Variants in KCNIP4 observed in about 807,000 individuals in gnomAD.
KCNIP4 encodes Kv channel-interacting protein 4.
A neutral mutation model predicts 34.0 loss-of-function variants in KCNIP4; 12 were observed. The observed-to-expected ratio is 0.35, with a 90% CI of 0.23 to 0.57. KCNIP4 has a LOEUF of 0.57. Among genes scored for constraint, KCNIP4 ranks in the 20% least tolerant of loss-of-function variants. The pLI is 0.83. For synonymous variants in KCNIP4, 124 were observed against 102.2 expected, an observed-to-expected ratio of 1.21 and a Z score of -1.29; for missense variants, 238 against 311.7, an observed-to-expected ratio of 0.76 and a Z score of 1.78.
chr4:21,600,015 G>C (rs903307642), intron 1 of KCNIP4, among the ~76,000 whole-genome samples: 12 of 151,948 alleles, frequency 7.9e-5, no homozygotes, highest in African/African-American at 2.4e-4. Flanking sequence ...TGCTGCAGGT[G>C]GTCCTCAGAT....
intron 1 of KCNIP4, among the ~76,000 whole-genome samples, chr4:21,217,284 A>G (rs774467085): frequency 2.6e-5 from 4 of 152,174 alleles, no homozygotes; most frequent in Non-Finnish European, 4.4e-5. Context: ...AGTTGCTACC[A>G]TTTATTGCAC....
At chr4:20,798,146 C>T (rs571062691) in intron 3 of KCNIP4, among the ~76,000 whole-genome samples, 29 of 152,258 alleles carry the variant, frequency 1.9e-4, no homozygotes, top group East Asian at 1.9e-4. Context: ...ATCGTTATGA[C>T]GAGTTTTTAA....
intron 1 of KCNIP4, among the ~76,000 whole-genome samples, chr4:21,632,141 A>G (rs1745810673): frequency 6.6e-6 from 1 of 152,146 alleles, no homozygotes; most frequent in Non-Finnish European, 1.5e-5. Context: ...CTAACATAAT[A>G]GATTCCATGC....
chr4:21,847,805 A>G (rs550457139), intron 1 of KCNIP4: 2 of 151,980 alleles, frequency 1.3e-5, no homozygotes, highest in East Asian at 3.9e-4. Context: ...TTTCTCTGCA[A>G]TTTTTATGCT....
At chr4:21,483,498 A>G (rs771321539) in intron 1 of KCNIP4, among the ~76,000 whole-genome samples, 2 of 152,032 alleles carry the variant, frequency 1.3e-5, no homozygotes, top group Non-Finnish European at 2.9e-5. Flanking sequence ...TGGTTGTTTA[A>G]AAGTGTGTGG....
intron 1 of KCNIP4, among the ~76,000 whole-genome samples, chr4:21,611,793 T>G (rs1404874099): frequency 6.6e-6 from 1 of 152,080 alleles, no homozygotes; most frequent in Non-Finnish European, 1.5e-5. Context: ...TGTCACTAGG[T>G]TTTTGTAGGA....
intron 1 of KCNIP4, among the ~76,000 whole-genome samples, chr4:21,156,810 T>C (rs1399619335): frequency 1.3e-5 from 2 of 152,148 alleles, no homozygotes; most frequent in Admixed American, 6.5e-5. Flanking sequence ...TCTAAACTCC[T>C]ATATTTTGAG....
At chr4:20,951,812 A>G (rs1732813455) in intron 1 of KCNIP4, among the ~76,000 whole-genome samples, 2 of 152,352 alleles carry the variant, frequency 1.3e-5, no homozygotes, top group East Asian at 1.9e-4. Context: ...TGAAGATAGC[A>G]CAATAGATTT....
intron 1 of KCNIP4, among the ~76,000 whole-genome samples, chr4:21,036,583 G>A (rs1311641209): frequency 6.6e-6 from 1 of 152,188 alleles, no homozygotes; most frequent in Non-Finnish European, 1.5e-5. Context: ...GTGATTAGCT[G>A]GGCATGGGGG....
At chr4:21,721,439 A>G (rs934204374) in intron 1 of KCNIP4, among the ~76,000 whole-genome samples, 9 of 152,222 alleles carry the variant, frequency 5.9e-5, no homozygotes, top group Non-Finnish European at 1.3e-4. Context: ...GTGACAAGGT[A>G]TCAAGTAAAA....
At chr4:21,879,419 A>G (rs1726334064) in intron 1 of KCNIP4, among the ~76,000 whole-genome samples, 1 of 152,230 alleles carries the variant, frequency 6.6e-6, no homozygotes, top group Non-Finnish European at 1.5e-5. Flanking sequence ...CTCTCAAATC[A>G]GAGGCCAATC....
chr4:20,862,362 G>T (rs1722294537), intron 2 of KCNIP4, among the ~76,000 whole-genome samples: 1 of 152,062 alleles, frequency 6.6e-6, no homozygotes, highest in Non-Finnish European at 1.5e-5. Flanking sequence ...TATACTGCCA[G>T]TCATTATGCT....
At chr4:21,476,907 GCTTACCTC>G (rs1274762244) in intron 1 of KCNIP4, among the ~76,000 whole-genome samples, 1 of 152,040 alleles carries the variant, frequency 6.6e-6, no homozygotes, top group East Asian at 1.9e-4. Flanking sequence ...CTCCGTCCTT[GCTTACCTC>G]CTTTAACAAA....
rs755266993 is a variant in KCNIP4, at chr4:21,259,920, T to TGTGTGTGC, written c.62-377212_62-377211insGCACACAC. On this transcript the variant is annotated intron_variant, in intron 1 of 8. Coordinates refer to ENST00000382152, the MANE Select transcript of KCNIP4 (RefSeq NM_025221.6). The stretch of plus-strand genomic sequence containing the variant: ...GTGTGTGTGTGTGTGTGTGTGTGTG[T>TGTGTGTGC]GCACGTGCGCTTATGTGCATTGTGC... Among the ~76,000 whole-genome samples the TGTGTGTGC allele has an allele frequency of 1.6e-4, 24 of 150,196 alleles. No homozygotes were observed. In the East Asian group the frequency reaches 3.8e-3, roughly 24 times the overall value.
chr4:20,850,439 A>G, intron 3 of KCNIP4, 104 bp downstream of exon 3: 1 of 1,205,314 alleles, frequency 8.3e-7, no homozygotes. Flanking sequence ...AAATATACAT[A>G]TGATGGGGCT....
chr4:21,033,751 C>A (rs901740175), intron 1 of KCNIP4, among the ~76,000 whole-genome samples: 13 of 152,072 alleles, frequency 8.5e-5, no homozygotes, highest in African/African-American at 2.7e-4. Flanking sequence ...AATTTTGAAG[C>A]AACTATCATT....
At chr4:21,622,507 C>T (rs939609715) in intron 1 of KCNIP4, among the ~76,000 whole-genome samples, 19 of 152,130 alleles carry the variant, frequency 1.2e-4, no homozygotes, top group African/African-American at 4.3e-4. Context: ...CAGCTGTTTG[C>T]AAGCATTATG....
intron 1 of KCNIP4, among the ~76,000 whole-genome samples, chr4:21,560,046 T>C (rs1419835328): frequency 6.6e-6 from 1 of 152,160 alleles, no homozygotes; most frequent in African/African-American, 2.4e-5. Context: ...GCATCTTTGA[T>C]AATATTTCAT....
At chr4:21,134,952 C>G (rs1307354317) in intron 1 of KCNIP4, among the ~76,000 whole-genome samples, 1 of 152,162 alleles carries the variant, frequency 6.6e-6, no homozygotes, top group African/African-American at 2.4e-5. Context: ...CTGATGGCAC[C>G]AGGAGACAAG....
Sources: allele counts gnomAD v4.1 joint callset (sites outside exome capture counted in the v4.1 genomes callset), GRCh38; gene constraint gnomAD v4.1.1; transcripts MANE v1.5; gene names NCBI Gene and HGNC (gene_info 2026-07-23, HGNC 2026-07-21).